Variants in IFT88 observed in about 807,000 individuals in gnomAD.
IFT88 encodes intraflagellar transport 88.
In IFT88, 74 loss-of-function variants were observed where a neutral mutation model predicts 119.5. The observed-to-expected ratio is 0.62, with a 90% confidence interval of 0.51 to 0.75. IFT88 has a LOEUF of 0.75. IFT88 is among the 30% of genes least tolerant of loss of function. IFT88 has a pLI of 0.00. For missense variants in IFT88, 961 were observed against 977.7 expected (o/e 0.98, Z 0.23); for synonymous variants, 279 against 316.7 (o/e 0.88, Z 1.26).
chr13:20,691,339 T>A lies in IFT88; in HGVS notation c.*164T>A. 1.7e-6 allele frequency: 1 copy of A among 598,996 alleles called. No homozygotes were observed. Among genetic ancestry groups the A allele is most frequent in the Non-Finnish European group, 2.7e-6 (1 of 371,392 alleles). 37.1% of individuals were successfully genotyped at this position (598,996 alleles called of 1,614,324 possible). On this transcript the variant is annotated 3_prime_UTR_variant, in exon 26 of 26. Coordinates refer to ENST00000351808, the MANE Select transcript of IFT88 (RefSeq NM_006531.5). ...ATGCATTTAAGTTGTTTTTTTCTTT[T>A]AAGGAATAAAAACAGGTAAAACTAA...
chr13:20,686,338 A>G (rs1003127878), intron 24 of IFT88, among the ~76,000 whole-genome samples: 4 of 152,254 alleles, frequency 2.6e-5, no homozygotes. Flanking sequence ...AAAGGCAAGT[A>G]CTTTTATTGG....
intron 13 of IFT88, among the ~76,000 whole-genome samples, chr13:20,614,674 A>G (rs1046601082): frequency 2.6e-5 from 4 of 152,174 alleles, no homozygotes; most frequent in Non-Finnish European, 1.5e-5. Context: ...GAAAGATGTT[A>G]CTGTTGGAGG....
At chr13:20,646,021 A>G (rs1029398557) in intron 20 of IFT88, among the ~76,000 whole-genome samples, 1 of 152,228 alleles carries the variant, frequency 6.6e-6, no homozygotes, top group Non-Finnish European at 1.5e-5. Context: ...ATACTACTCT[A>G]ACATTAGCCA....
At chr13:20,657,928 A>G (rs2053127972) in intron 22 of IFT88, among the ~76,000 whole-genome samples, 1 of 152,106 alleles carries the variant, frequency 6.6e-6, no homozygotes, top group African/African-American at 2.4e-5. Context: ...ATATTTCTCC[A>G]TTTGGCTTTC....
At chr13:20,583,146 T>A in intron 3 of IFT88, 127 bp downstream of exon 3, 1 of 551,604 alleles carries the variant, frequency 1.8e-6, no homozygotes, top group Non-Finnish European at 3.2e-6. Context: ...GTTTAGATGG[T>A]AGTGAAACAG....
rs760133610 is a variant in IFT88, at chr13:20,663,610, T to C, written c.2175+6T>C. 6.3e-7 allele frequency: 1 copy of C among 1,589,830 alleles called. No individual in the cohort carries two copies. ...TGAAAGAAATAAGGGAACAGGTATC[T>C]CATATGGGCCCCAAACTGCAGTCTG... On this transcript the variant is annotated splice_donor_region_variant and intron_variant, in intron 23 of 25. Coordinates refer to ENST00000351808, the MANE Select transcript of IFT88 (RefSeq NM_006531.5).
intron 1 of IFT88, among the ~76,000 whole-genome samples, chr13:20,570,690 G>A (rs2036172027): frequency 8.4e-6 from 1 of 119,076 alleles, no homozygotes; most frequent in African/African-American, 3.0e-5. Flanking sequence ...GGTTGCCAGG[G>A]ACTGGGGAAA....
At chr13:20,598,843 A>G in intron 10 of IFT88, 90 bp downstream of exon 10, 1 of 766,644 alleles carries the variant, frequency 1.3e-6, no homozygotes, top group East Asian at 2.6e-5. Context: ...TTAAAATGAA[A>G]TGATCTATGC....
At chr13:20,578,034 CTTTTTTTTTTTTTTTT>C (rs57202566) in intron 2 of IFT88, among the ~76,000 whole-genome samples, 4 of 55,838 alleles carry the variant, frequency 7.2e-5, no homozygotes, top group Admixed American at 2.9e-4. Flanking sequence ...CTTGTTACTT[CTTTTTTTTTTTTTTTT>C]TTTTTTTTTT....
chr13:20,685,291 C>A (rs1398035123), intron 24 of IFT88, among the ~76,000 whole-genome samples: 2 of 152,160 alleles, frequency 1.3e-5, no homozygotes, highest in African/African-American at 4.8e-5. Flanking sequence ...TCCAGTAAAC[C>A]AACGACTTCT....
At chr13:20,597,612 C>A (rs533992587) in intron 9 of IFT88, among the ~76,000 whole-genome samples, 1 of 151,714 alleles carries the variant, frequency 6.6e-6, no homozygotes, top group Non-Finnish European at 1.5e-5. Context: ...GGTGTGGTGG[C>A]GGGCGCCTGT....
chr13:20,602,635 A>G (rs2042799201), intron 12 of IFT88, among the ~76,000 whole-genome samples: 1 of 152,224 alleles, frequency 6.6e-6, no homozygotes, highest in Non-Finnish European at 1.5e-5. Flanking sequence ...CTGTAATTCC[A>G]GCACTTTGGG....
At chr13:20,617,503 T>C (rs2045827151) in intron 14 of IFT88, among the ~76,000 whole-genome samples, 1 of 152,224 alleles carries the variant, frequency 6.6e-6, no homozygotes. Context: ...TGGTCTTTTA[T>C]TAACTTGGAC....
In IFT88 at chr13:20,590,959, T is replaced by C. The variant is rs751645814; in HGVS notation, c.211-8T>C. The stretch of plus-strand genomic sequence containing the variant: ...GAATCTTTTTAACTTAACTTTTCTG[T>C]TTACTAGTCCAAGACATCTCTGGCA... On this transcript the variant is annotated splice_polypyrimidine_tract_variant and splice_region_variant and intron_variant, in intron 4 of 25. Coordinates refer to ENST00000351808, the MANE Select transcript of IFT88 (RefSeq NM_006531.5). The C allele has an allele frequency of 1.9e-6, 3 of 1,598,310 alleles. No individual in the cohort carries two copies. The Admixed American group carries it at 5.2e-5, about 28-fold the overall frequency.
intron 12 of IFT88, among the ~76,000 whole-genome samples, chr13:20,603,029 A>G (rs969181205): frequency 1.2e-4 from 19 of 152,254 alleles, no homozygotes; most frequent in African/African-American, 4.6e-4. Context: ...ATACATGAAC[A>G]TAAACTGGAA....
chr13:20,584,592 T>A (rs2039304916), intron 3 of IFT88, among the ~76,000 whole-genome samples: 1 of 152,132 alleles, frequency 6.6e-6, no homozygotes, highest in African/African-American at 2.4e-5. Context: ...GCTAGAGTAG[T>A]TTTTTTCAGT....
At chr13:20,597,741 G>A (rs1189916310) in intron 9 of IFT88, among the ~76,000 whole-genome samples, 9 of 139,114 alleles carry the variant, frequency 6.5e-5, no homozygotes, top group South Asian at 4.5e-4. Context: ...GCGAGACTCC[G>A]TCTCAAAAAA....
chr13:20,599,788 A>C (rs990617540), intron 11 of IFT88, among the ~76,000 whole-genome samples: 1 of 152,146 alleles, frequency 6.6e-6, no homozygotes, highest in African/African-American at 2.4e-5. Flanking sequence ...AATAAAACTA[A>C]GTGACCAATA....
At chr13:20,636,132 T>C (rs1218896733) in intron 16 of IFT88, among the ~76,000 whole-genome samples, 1 of 152,154 alleles carries the variant, frequency 6.6e-6, no homozygotes, top group Non-Finnish European at 1.5e-5. Flanking sequence ...CATAATTCTT[T>C]TCAGGACAGA....
Sources: allele counts gnomAD v4.1 joint callset (sites outside exome capture counted in the v4.1 genomes callset), GRCh38; gene constraint gnomAD v4.1.1; transcripts MANE v1.5; gene names NCBI Gene and HGNC (gene_info 2026-07-23, HGNC 2026-07-21).